PABIR3: variants seen among roughly 807,000 people sequenced by gnomAD.
PABIR3 encodes the protein PABIR family member 1.
PABIR3 carries 20 observed loss-of-function variants against 23.1 expected under a neutral mutation model. The ratio of observed to expected loss-of-function variants is 0.86; its 90% confidence interval spans 0.61 to 1.26. The LOEUF (loss-of-function observed/expected upper bound fraction) is 1.26. Among genes scored for constraint, PABIR3 ranks in the 50% most tolerant of loss-of-function variants. PABIR3 has a pLI of 0.00. For missense variants in PABIR3, 189 were observed against 195.4 expected (o/e 0.97, Z 0.20); for synonymous variants, 69 against 68.5 (o/e 1.01, Z -0.04).
intron 9 of PABIR3, among the ~76,000 whole-genome samples, chrX:134,851,502 C>A (rs1381491072): frequency 2.8e-5 from 3 of 106,621 alleles, no homozygotes; most frequent in African/African-American, 1.0e-4. Context: ...CACCACTGCA[C>A]TCCAGCCTGG....
intron 3 of PABIR3, chrX:134,821,273 C>G (rs1200735939): frequency 1.3e-6 from 1 of 793,546 alleles, no homozygotes; most frequent in Non-Finnish European, 1.7e-6. Context: ...AAAAACTGTT[C>G]CCTCACAATT....
intron 7 of PABIR3, 71 bp from the exon 8 acceptor site, chrX:134,847,812 C>G (rs1003843255): frequency 1.1e-6 from 1 of 899,007 alleles, no homozygotes; most frequent in Non-Finnish European, 1.6e-6. Context: ...CCTGCCCCTC[C>G]CTAGGAAACC....
At chrX:134,850,008 G>A (rs1193038547) in intron 9 of PABIR3, among the ~76,000 whole-genome samples, 1 of 106,557 alleles carries the variant, frequency 9.4e-6, no homozygotes, top group East Asian at 3.0e-4. Flanking sequence ...CAGTAGCTGG[G>A]ATTACAGGTG....
chrX:134,838,515 G>T (rs1330882088), intron 4 of PABIR3, among the ~76,000 whole-genome samples: 3 of 108,846 alleles, frequency 2.8e-5, no homozygotes, highest in Non-Finnish European at 5.7e-5. Flanking sequence ...GTGTTAGCCA[G>T]GATGGTCTCG....
intron 1 of PABIR3, among the ~76,000 whole-genome samples, chrX:134,801,813 T>C: frequency 9.0e-6 from 1 of 110,826 alleles, no homozygotes; most frequent in East Asian, 2.8e-4. Context: ...TGAGGTTTTC[T>C]GCATAGGGGC....
chrX:134,820,618 A>G (rs112741488), intron 3 of PABIR3, among the ~76,000 whole-genome samples: 2,903 of 111,683 alleles, frequency 0.026, 51 homozygotes, highest in South Asian at 0.052. Flanking sequence ...GTGGGAATGT[A>G]CCTAACACTG....
At chrX:134,839,447 C>T in intron 4 of PABIR3, 1 of 136,904 alleles carries the variant, frequency 7.3e-6, no homozygotes, top group South Asian at 1.5e-4. Context: ...AGTGAGGAGC[C>T]CCTCCGCCCA....
chrX:134,840,477 T>C (rs1241755541), intron 4 of PABIR3, among the ~76,000 whole-genome samples: 3 of 111,918 alleles, frequency 2.7e-5, no homozygotes, highest in African/African-American at 9.7e-5. Flanking sequence ...ATAGCTAATA[T>C]GTGTTAAGCA....
intron 1 of PABIR3, 34 bp from the exon 2 acceptor site, chrX:134,807,506 G>T (rs751693727): frequency 3.9e-5 from 45 of 1,164,817 alleles, no homozygotes; most frequent in Non-Finnish European, 5.2e-5. Flanking sequence ...TTTCCCCTTT[G>T]CCTCTCTCCT....
chrX:134,847,325 A>G (rs1178859824), intron 6 of PABIR3, 58 bp from the exon 7 acceptor site: 2 of 903,000 alleles, frequency 2.2e-6, no homozygotes, highest in Admixed American at 2.3e-5. Flanking sequence ...AGGTATCTCA[A>G]GTATTTGATT....
intron 1 of PABIR3, among the ~76,000 whole-genome samples, chrX:134,799,197 T>G (rs1440597011): frequency 8.9e-6 from 1 of 112,032 alleles, no homozygotes; most frequent in East Asian, 2.8e-4. Flanking sequence ...TTGCTTAATT[T>G]TTTTGATTTT....
chrX:134,802,224 C>T (rs2080086380), upstream of PABIR3, among the ~76,000 whole-genome samples: 1 of 111,519 alleles, frequency 9.0e-6, no homozygotes, highest in Non-Finnish European at 1.9e-5. Context: ...GCTGGGATTA[C>T]AGGCATGCAC....
chrX:134,807,154 A>T, upstream of PABIR3: 1 of 775,662 alleles, frequency 1.3e-6, no homozygotes, highest in Non-Finnish European at 1.5e-6. Context: ...GCATCACAAC[A>T]GGCGTCGTCC....
intron 3 of PABIR3, chrX:134,821,602 A>C (rs1412619121): frequency 8.8e-7 from 1 of 1,135,488 alleles, no homozygotes; most frequent in South Asian, 1.9e-5. Context: ...TGAGCAATTC[A>C]TCTGTTCTAA....
chrX:134,831,566 G>A (rs1475380320), intron 4 of PABIR3: 1 of 111,302 alleles, frequency 9.0e-6, no homozygotes, highest in African/African-American at 3.3e-5. Flanking sequence ...TCGTTTTGAG[G>A]ATGAAAAGAA....
At chrX:134,805,263 A>G (rs1300973838), upstream of PABIR3, among the ~76,000 whole-genome samples, 1 of 111,663 alleles carries the variant, frequency 9.0e-6, no homozygotes, top group African/African-American at 3.3e-5. Flanking sequence ...GCCTACCTCA[A>G]AGAATTATTG....
At chrX:134,799,827 GTGTGGTGGTTGGCACC>G (rs1479439014) in intron 1 of PABIR3, 2 of 109,913 alleles carry the variant, frequency 1.8e-5, no homozygotes. Context: ...AATTAGCTGG[GTGTGGTGGTTGGCACC>G]TGTAATCCCA....
chrX:134,805,885 G>A (rs1457400746), upstream of PABIR3, among the ~76,000 whole-genome samples: 7 of 108,905 alleles, frequency 6.4e-5, no homozygotes, highest in African/African-American at 2.4e-4. Flanking sequence ...CAACAAGAGC[G>A]AAACTCCGTC....
intron 1 of PABIR3, among the ~76,000 whole-genome samples, chrX:134,802,029 C>A (rs73568751): frequency 2.8e-5 from 3 of 107,491 alleles, no homozygotes; most frequent in African/African-American, 6.8e-5. Context: ...CCCCCACCCC[C>A]CTGCCCCACC....
Sources: gnomAD v4.1 joint callset for allele counts (sites outside exome capture counted in the v4.1 genomes callset) on GRCh38, gnomAD v4.1.1 for gene constraint, MANE v1.5 for transcripts, NCBI Gene and HGNC (gene_info 2026-07-23, HGNC 2026-07-21) for gene names.